AKR7A3: variants seen among roughly 807,000 people sequenced by gnomAD.
AKR7A3 encodes the protein aldo-keto reductase family 7 member A3.
In AKR7A3, 37 loss-of-function variants were observed where a neutral mutation model predicts 32.5. The ratio of observed to expected loss-of-function variants is 1.14; its 90% CI spans 0.88 to 1.50. The LOEUF (loss-of-function observed/expected upper bound fraction) is 1.50, where lower values mean the gene tolerates loss of function less well. Among genes scored for constraint, AKR7A3 ranks in the 40% most tolerant of loss-of-function variants. The probability of loss-of-function intolerance (pLI) is 0.00; values close to 1 mark genes in which losing one functional copy is unlikely to be tolerated. For synonymous variants in AKR7A3, 177 were observed against 188.4 expected, an observed-to-expected ratio of 0.94 and a Z score of 0.50; for missense variants, 412 against 453.2, an observed-to-expected ratio of 0.91 and a Z score of 0.83.
chr1:19,286,442 G>A, intron 1 of AKR7A3, 70 bp from the exon 2 acceptor site: 1 of 1,493,960 alleles, frequency 6.7e-7, no homozygotes. Context: ...AGCACTTTGG[G>A]AGACTGAGGC....
At chr1:19,276,103 C>T in the AKR7A3 span, among the ~76,000 whole-genome samples, 1 of 151,860 alleles carries the variant, frequency 6.6e-6, no homozygotes, top group Admixed American at 6.6e-5. Flanking sequence ...TGGCTCACGC[C>T]TGTAATCCCA....
chr1:19,287,025 A>G (rs1350784192), intron 1 of AKR7A3, among the ~76,000 whole-genome samples: 2 of 151,882 alleles, frequency 1.3e-5, no homozygotes, highest in African/African-American at 2.4e-5. Context: ...GGCAGAGGGT[A>G]CAGATCTGTG....
intron 5 of AKR7A3, 71 bp downstream of exon 5, chr1:19,284,615 G>T: frequency 2.0e-6 from 3 of 1,501,654 alleles, no homozygotes; most frequent in Middle Eastern, 1.7e-4. Flanking sequence ...TACCCCAGGA[G>T]CAGCCCAGGA....
At chr1:19,287,377 C>T (rs918087391) in intron 1 of AKR7A3, among the ~76,000 whole-genome samples, 2 of 151,504 alleles carry the variant, frequency 1.3e-5, no homozygotes, top group Non-Finnish European at 2.9e-5. Context: ...CTAGAAAGAG[C>T]GTGGCACTGG....
At chr1:19,285,803 G>A (rs2151982043) in intron 3 of AKR7A3, 85 bp downstream of exon 3, 2 of 1,537,682 alleles carry the variant, frequency 1.3e-6, no homozygotes, top group Admixed American at 1.7e-5. Flanking sequence ...TATGCAGAGG[G>A]CACAGGGGGC....
rs756384044 is a variant in AKR7A3 at position 19,284,763 on chromosome 1, G to C, written c.627C>G (p.Tyr209Ter). The change falls in exon 5 of 7, where the codon TAC (tyrosine) becomes TAG (stop). Residue 209 changes from tyrosine (Y) to a stop codon, truncating the protein, a stop_gained. Transcript: ENST00000361640. LOFTEE classifies it high-confidence loss of function. ...GTTTCCCATTCTTGTCCTCATACTT[G>C]TACTTGCCGGTCAGCAGGCCCCCTG... The part of the protein sequence containing the change: ...PLAGGLLTGK[Y>*]KYEDKNGKQP... 6.2e-7 allele frequency: 1 copy of C among 1,613,842 alleles called. No homozygotes were observed. The highest frequency in any genetic ancestry group is 8.5e-7 in the Non-Finnish European group (1 of 1,180,004).
rs563074822 is a variant in AKR7A3, at chr1:19,287,581, G to T, written c.214+915C>A. Among the ~76,000 whole-genome samples, 102 of 152,054 alleles carry T rather than the reference G, an allele frequency of 6.7e-4. 3 individuals carry two copies. Among genetic ancestry groups the T allele is most frequent in the African/African-American group, 2.4e-3 (99 of 41,310 alleles). ...TAAGCACTGCAAATGGCATCAGACTGAGGGCGGCTCCTCCTGCCCCTATAC... is the reference window on the plus strand; with the variant it reads ...TAAGCACTGCAAATGGCATCAGACTTAGGGCGGCTCCTCCTGCCCCTATAC... On this transcript the variant is annotated intron_variant, in intron 1 of 6. Coordinates refer to ENST00000361640, the MANE Select transcript of AKR7A3 (RefSeq NM_012067.3).
rs887099549 is a variant in AKR7A3 at position 19,285,117 on chromosome 1, G to T, written c.508-3C>A. 5 of 1,613,374 alleles carry T rather than the reference G, an allele frequency of 3.1e-6. No individual in the cohort carries two copies. The African/African-American group carries it at 6.7e-5, about 22-fold the overall frequency. ...CGGGTGATGGCATTGTACATGCCCT[G>T]TAAGGAGAGGGGCCCCGGGGGAGAG... On this transcript the variant is annotated splice_polypyrimidine_tract_variant and splice_region_variant and intron_variant, in intron 3 of 6. Transcript: ENST00000361640.
At chr1:19,275,566 G>A in the AKR7A3 span, among the ~76,000 whole-genome samples, 8 of 151,874 alleles carry the variant, frequency 5.3e-5, no homozygotes, top group Non-Finnish European at 1.0e-4. Context: ...AGCACTTTGG[G>A]AGGCTGAAAA....
Position 19,286,382 on chromosome 1 carries a change from A to C in AKR7A3, c.215-10T>G. The C allele has an allele frequency of 6.2e-7, 1 of 1,612,552 alleles. No individual in the cohort carries two copies. The highest frequency in any genetic ancestry group is 8.5e-7 in the Non-Finnish European group (1 of 1,179,054). ...TTGGTATCAATTTTCACTGAGAGGAAAGAGAAATGAAATTCAGGGCCAGGC... is the reference window on the plus strand; with the variant it reads ...TTGGTATCAATTTTCACTGAGAGGACAGAGAAATGAAATTCAGGGCCAGGC... On this transcript the variant is annotated splice_polypyrimidine_tract_variant and intron_variant, in intron 1 of 6. Coordinates refer to ENST00000361640, the MANE Select transcript of AKR7A3 (RefSeq NM_012067.3).
chr1:19,282,633 C>G lies in AKR7A3; in HGVS notation c.*98G>C. 6.4e-7 allele frequency: 1 copy of G among 1,574,442 alleles called. No homozygotes were observed. Among genetic ancestry groups the G allele is most frequent in the Non-Finnish European group, 8.6e-7 (1 of 1,156,088 alleles). On this transcript the variant is annotated 3_prime_UTR_variant, in exon 7 of 7. Transcript: ENST00000361640. ...TATTAGGTTTTTGTCCAAATACTTC[C>G]ATCCCTAAGAATTTACTGAGGCAGT...
chr1:19,288,374 G>T, intron 1 of AKR7A3, 122 bp downstream of exon 1: 1 of 1,247,940 alleles, frequency 8.0e-7, no homozygotes, highest in Non-Finnish European at 1.1e-6. Flanking sequence ...AACAGGGGTG[G>T]GGGCGGTGGG....
At chr1:19,278,139 G>T (rs143312451), downstream of AKR7A3, among the ~76,000 whole-genome samples, 129 of 151,810 alleles carry the variant, frequency 8.5e-4, 2 homozygotes, top group African/African-American at 3.1e-3. Flanking sequence ...TAGTTTTTTT[G>T]TGTGTGGTAT....
chr1:19,279,684 C>A (rs972084725), downstream of AKR7A3, among the ~76,000 whole-genome samples: 2 of 151,810 alleles, frequency 1.3e-5, no homozygotes, highest in Non-Finnish European at 2.9e-5. Context: ...TGATGTTGAG[C>A]GCTTTCTCAT....
chr1:19,281,501 G>A (rs2093718784), downstream of AKR7A3, among the ~76,000 whole-genome samples: 1 of 151,692 alleles, frequency 6.6e-6, no homozygotes, highest in Non-Finnish European at 1.5e-5. Flanking sequence ...CCAGGTGGGT[G>A]GCTCACACCT....
Position 19,282,851 on chromosome 1 carries a change from C to G in AKR7A3, c.876G>C (p.Leu292=), listed in dbSNP as rs911066410. 1 of 1,612,898 alleles carries G rather than the reference C, an allele frequency of 6.2e-7. No individual in the cohort carries two copies. Among genetic ancestry groups the G allele is most frequent in the African/African-American group, 1.3e-5 (1 of 74,230 alleles). Residue 292 remains leucine, a synonymous_variant, in exon 7 of 7, where the codon CTG becomes CTC. Transcript: ENST00000361640. The part of the protein sequence containing the change: ...GDAVILGMSS[L]EQLEQNLAAA... ...CTGCCAAGTTCTGCTCCAGCTGCTC[C>G]AGGCTGGACATGCCCAGGATGACCG...
At position 19,285,010 on chromosome 1, in the gene AKR7A3, C is replaced by G. The variant is rs1465609782; in HGVS notation, c.604+8G>C. 3.1e-6 allele frequency: 5 copies of G among 1,612,170 alleles called. No homozygotes were observed. Among genetic ancestry groups the G allele is most frequent in the Non-Finnish European group, 3.4e-6 (4 of 1,179,876 alleles). ...AGGCTGAGACAGGGCCAGGAATGCT[C>G]CACGTACCAGCCAGAGGGTTGAAGG... is the stretch of plus-strand genomic sequence containing the variant. On this transcript the variant is annotated splice_region_variant and intron_variant, in intron 4 of 6. Transcript: ENST00000361640.
In AKR7A3 at chr1:19,287,177, T is replaced by C. The variant is rs1227902184; in HGVS notation, c.215-805A>G. Among the ~76,000 whole-genome samples the C allele has an allele frequency of 4.0e-5, 6 of 151,364 alleles. No individual in the cohort carries two copies. The East Asian group carries it at 7.7e-4, about 19-fold the overall frequency. Reference sequence around the variant, plus strand: ...ACAAAAAATTAGCCGGGTGTGGTGCTACTGTAGTAGTCCCAGCTACTCAGG... The same window carrying C: ...ACAAAAAATTAGCCGGGTGTGGTGCCACTGTAGTAGTCCCAGCTACTCAGG... On this transcript the variant is annotated intron_variant, in intron 1 of 6. Coordinates refer to ENST00000361640, the MANE Select transcript of AKR7A3 (RefSeq NM_012067.3).
Position 19,284,134 on chromosome 1 carries a change from G to C in AKR7A3, c.705-9C>G, listed in dbSNP as rs373639940. On this transcript the variant is annotated splice_polypyrimidine_tract_variant and intron_variant, in intron 5 of 6. Transcript: ENST00000361640. ...GGTGCTCCTTCCAGTAGCTGGGAAG[G>C]GGGGACGGTGGCACAGGTGTCAGGG... 15 of 1,605,704 alleles carry C rather than the reference G, an allele frequency of 9.3e-6. No homozygotes were observed. The East Asian group carries it at 3.1e-4, about 33-fold the overall frequency.
Sources: gnomAD v4.1 joint callset for allele counts (sites outside exome capture counted in the v4.1 genomes callset) on GRCh38, gnomAD v4.1.1 for gene constraint, MANE v1.5 for transcripts, NCBI Gene and HGNC (gene_info 2026-07-23, HGNC 2026-07-21) for gene names.